NRG3: variants seen among roughly 807,000 people sequenced by gnomAD.
The protein encoded by NRG3 is neuregulin 3.
A neutral mutation model predicts 66.9 loss-of-function variants in NRG3; 31 were observed. That is an observed-to-expected ratio of 0.46 (90% confidence interval 0.35 to 0.63). The LOEUF (loss-of-function observed/expected upper bound fraction) is 0.63. Ranked by LOEUF, NRG3 falls within the 20% of genes least tolerant of loss-of-function variation. The pLI is 0.00. For synonymous variants in NRG3, 393 were observed against 359.4 expected (o/e 1.09, Z -1.06); for missense variants, 910 against 878.9 (o/e 1.04, Z -0.45).
chr10:82,406,157 G>T (rs922879781), intron 2 of NRG3, among the ~76,000 whole-genome samples: 1 of 152,156 alleles, frequency 6.6e-6, no homozygotes, highest in East Asian at 1.9e-4. Context: ...TAGATGTTAA[G>T]CCTACTTTAA....
At chr10:82,725,556 C>G (rs2057549601) in intron 2 of NRG3, among the ~76,000 whole-genome samples, 1 of 152,122 alleles carries the variant, frequency 6.6e-6, no homozygotes, top group Admixed American at 6.6e-5. Flanking sequence ...ATACATTAAA[C>G]TTTAGGTGTT....
At chr10:82,317,805 T>G (rs1446883851) in intron 1 of NRG3, among the ~76,000 whole-genome samples, 1 of 152,230 alleles carries the variant, frequency 6.6e-6, no homozygotes, top group Admixed American at 6.5e-5. Flanking sequence ...GGTCTGTGCC[T>G]TTCTCTGAAG....
chr10:82,350,495 G>C (rs1029868841), intron 1 of NRG3, among the ~76,000 whole-genome samples: 4 of 152,174 alleles, frequency 2.6e-5, no homozygotes, highest in Non-Finnish European at 4.4e-5. Context: ...TATTAGAGAT[G>C]AACAGGAAGT....
chr10:82,233,107 G>A (rs1166336786), intron 1 of NRG3, among the ~76,000 whole-genome samples: 1 of 152,206 alleles, frequency 6.6e-6, no homozygotes, highest in Non-Finnish European at 1.5e-5. Flanking sequence ...GCTCACGCCT[G>A]TAATCCCAGC....
At chr10:82,286,142 G>T (rs980126747) in intron 1 of NRG3, among the ~76,000 whole-genome samples, 1 of 152,138 alleles carries the variant, frequency 6.6e-6, no homozygotes, top group Non-Finnish European at 1.5e-5. Context: ...GAGGAGCGCA[G>T]GTAGGAAGGG....
intron 8 of NRG3, among the ~76,000 whole-genome samples, chr10:82,982,857 C>T (rs936952377): frequency 5.9e-5 from 9 of 152,114 alleles, no homozygotes; most frequent in Non-Finnish European, 1.3e-4. Context: ...CAGTTGTTAC[C>T]AGTCATGTGT....
intron 3 of NRG3, among the ~76,000 whole-genome samples, chr10:82,747,352 G>GT (rs1260129127): frequency 6.6e-6 from 1 of 151,942 alleles, no homozygotes. Flanking sequence ...ACCATTATGC[G>GT]TAAGTCTCTG....
rs1853484876 is a variant in NRG3, at chr10:82,987,138, T to C, written c.*1533T>C. ...TTATTGGTGGTGTTGAGTTGTTATG[T>C]TTACACTGTTTTAAATAAAAAGGCA... On this transcript the variant is annotated 3_prime_UTR_variant, in exon 9 of 9. Coordinates refer to ENST00000372141, the MANE Select transcript of NRG3 (RefSeq NM_001010848.4). 6.6e-6 allele frequency: 1 copy of C among 152,184 alleles called. No individual in the cohort carries two copies. The highest frequency in any genetic ancestry group is 6.6e-5 in the Admixed American group (1 of 15,264). The allele number at this position is 152,184 out of a possible 1,614,324, so 9.4% of individuals were successfully genotyped here. A position where few individuals can be genotyped will look rare whatever the true frequency, so the allele number is the denominator to read the frequency against.
At chr10:82,491,286 C>A (rs750661102) in intron 2 of NRG3, among the ~76,000 whole-genome samples, 1 of 38,708 alleles carries the variant, frequency 2.6e-5, no homozygotes, top group Non-Finnish European at 8.6e-5. Context: ...CTATGCTGTT[C>A]CCATAAAATA....
chr10:82,923,064 A>G (rs1019315567), intron 4 of NRG3, among the ~76,000 whole-genome samples: 5 of 152,320 alleles, frequency 3.3e-5, no homozygotes, highest in African/African-American at 4.8e-5. Context: ...TATTGACCAA[A>G]GGTCATCCCC....
At chr10:82,132,626 T>C (rs1162706592) in intron 1 of NRG3, among the ~76,000 whole-genome samples, 1 of 148,672 alleles carries the variant, frequency 6.7e-6, no homozygotes, top group Non-Finnish European at 1.5e-5. Context: ...CTCTAATTTT[T>C]GGAATAGTTT....
At chr10:82,511,941 A>G (rs1257062834) in intron 2 of NRG3, among the ~76,000 whole-genome samples, 1 of 152,144 alleles carries the variant, frequency 6.6e-6, no homozygotes. Flanking sequence ...TGCAGATGGA[A>G]ATGATTTCAG....
chr10:82,096,982 G>A (rs188315699), intron 1 of NRG3, among the ~76,000 whole-genome samples: 2 of 152,114 alleles, frequency 1.3e-5, no homozygotes, highest in Admixed American at 1.3e-4. Context: ...TTCCCTTTTT[G>A]AGGTGCAGTT....
intron 2 of NRG3, among the ~76,000 whole-genome samples, chr10:82,470,901 G>T (rs1217033725): frequency 6.6e-6 from 1 of 152,126 alleles, no homozygotes; most frequent in Non-Finnish European, 1.5e-5. Context: ...TGTTTATACA[G>T]CTAACCTGCC....
chr10:82,424,016 C>G (rs754574238), intron 2 of NRG3, among the ~76,000 whole-genome samples: 10 of 151,992 alleles, frequency 6.6e-5, no homozygotes, highest in Non-Finnish European at 1.2e-4. Context: ...ATGGGTATAT[C>G]AGATTTTCTT....
intron 4 of NRG3, among the ~76,000 whole-genome samples, chr10:82,897,453 G>T (rs904421113): frequency 6.6e-6 from 1 of 152,014 alleles, no homozygotes; most frequent in African/African-American, 2.4e-5. Context: ...CAAACCCAAG[G>T]CTTCTTTTTT....
At chr10:82,501,339 C>T (rs1330656692) in intron 2 of NRG3, among the ~76,000 whole-genome samples, 2 of 152,104 alleles carry the variant, frequency 1.3e-5, no homozygotes, top group African/African-American at 2.4e-5. Context: ...TTTTCAGCAC[C>T]GCAACAAGAG....
chr10:82,704,966 C>A (rs2056177033), intron 2 of NRG3, among the ~76,000 whole-genome samples: 1 of 152,080 alleles, frequency 6.6e-6, no homozygotes, highest in African/African-American at 2.4e-5. Context: ...CTATCTCACA[C>A]AAATCACTGA....
In NRG3 at chr10:82,370,177, G is replaced by T. The variant is rs892588068; in HGVS notation, c.953+11309G>T. ...ACAGCCTTCTGTATCCCAAGCTCTT[G>T]CCCAGTGGCTCAGAAGAATTGGATC... is the stretch of plus-strand genomic sequence containing the variant. On this transcript the variant is annotated intron_variant, in intron 2 of 8. Transcript: ENST00000372141. Among the ~76,000 whole-genome samples the T allele has an allele frequency of 2.2e-5, 3 of 139,006 alleles. 1 individual carries two copies. In the East Asian group the frequency reaches 6.4e-4, roughly 30 times the overall value. 91.2% of individuals were successfully genotyped at this position (139,006 alleles called of 152,430 possible). A position where few individuals can be genotyped will look rare whatever the true frequency, so the allele number is the denominator to read the frequency against.
Sources: gnomAD v4.1 joint callset for allele counts (sites outside exome capture counted in the v4.1 genomes callset) on GRCh38, gnomAD v4.1.1 for gene constraint, MANE v1.5 for transcripts, NCBI Gene and HGNC (gene_info 2026-07-23, HGNC 2026-07-21) for gene names.